The following SYNE1 variants were observed in gnomAD, a reference collection of about 807,000 sequenced individuals.
The protein encoded by SYNE1 is spectrin repeat containing nuclear envelope protein 1.
Under a neutral mutation model 1,111.0 loss-of-function variants are expected in SYNE1, and 616 were observed. The observed-to-expected ratio is 0.55, with a 90% confidence interval of 0.52 to 0.59. The LOEUF is 0.59. Among genes scored for constraint, SYNE1 ranks in the 20% least tolerant of loss-of-function variants. The pLI, the probability that SYNE1 is intolerant of heterozygous loss-of-function variation, is 0.00. For synonymous variants in SYNE1, 3,855 were observed against 3,825.8 expected, an observed-to-expected ratio of 1.01 and a Z score of -0.28; for missense variants, 10,006 against 10,417.0, an observed-to-expected ratio of 0.96 and a Z score of 1.72.
chr6:152,244,645 C>A lies in SYNE1; in HGVS notation c.19584G>T (p.Gln6528His), dbSNP rs2086636945. The A allele has an allele frequency of 6.2e-7, 1 of 1,613,808 alleles. No individual in the cohort carries two copies. Among genetic ancestry groups the A allele is most frequent in the South Asian group, 1.1e-5 (1 of 91,082 alleles). ...PVAEQIEAIQ[Q>H]AEDGLKEFDA... Reference sequence around the variant, plus strand: ...CAAATTCTTTGAGTCCATCTTCAGCCTGTTGTATTGCCTAAGTAAGATCCA... The same window carrying A: ...CAAATTCTTTGAGTCCATCTTCAGCATGTTGTATTGCCTAAGTAAGATCCA... The change falls in exon 106 of 146, where the codon CAG becomes CAT. Residue 6528 changes from glutamine to histidine, a missense_variant. Gln to His is a conservative substitution (Grantham distance 24). This residue lies in a region of SYNE1 where 2,182 missense variants were observed against 2,287.8 expected (regional missense o/e 0.95). Coordinates refer to ENST00000367255, the MANE Select transcript of SYNE1 (RefSeq NM_182961.4).
intron 10 of SYNE1, among the ~76,000 whole-genome samples, chr6:152,501,919 G>A (rs1534298): frequency 0.33 from 49,574 of 151,918 alleles, 8,559 homozygotes; most frequent in African/African-American, 0.44. Flanking sequence ...TTATAAAATT[G>A]TATGGATACC....
At chr6:152,248,970 T>C (rs963846036) in intron 105 of SYNE1, among the ~76,000 whole-genome samples, 191 bp downstream of exon 105, 1 of 152,188 alleles carries the variant, frequency 6.6e-6, no homozygotes, top group Non-Finnish European at 1.5e-5. Context: ...CATTTCCTAG[T>C]TCTGTGCAGA....
intron 6 of SYNE1, among the ~76,000 whole-genome samples, chr6:152,516,210 C>G (rs2099110970): frequency 6.6e-6 from 1 of 152,090 alleles, no homozygotes; most frequent in African/African-American, 2.4e-5. Context: ...GTGTGGCCGA[C>G]AAGAATGTTT....
At chr6:152,182,711 A>G (rs1246259615) in intron 128 of SYNE1, among the ~76,000 whole-genome samples, 1 of 152,180 alleles carries the variant, frequency 6.6e-6, no homozygotes, top group East Asian at 1.9e-4. Flanking sequence ...GTGATTCTAC[A>G]TCCTTGTACA....
At chr6:152,550,154 G>T (rs2099333375) in intron 3 of SYNE1, among the ~76,000 whole-genome samples, 1 of 152,074 alleles carries the variant, frequency 6.6e-6, no homozygotes, top group African/African-American at 2.4e-5. Flanking sequence ...GTAAATCTAA[G>T]ACTTTTGCTG....
At chr6:152,279,132 TTTTTC>T (rs1405103695) in intron 97 of SYNE1, among the ~76,000 whole-genome samples, 2 of 143,958 alleles carry the variant, frequency 1.4e-5, no homozygotes, top group African/African-American at 2.6e-5. Context: ...AGCCTCTCAA[TTTTTC>T]TTTTCTTTTC....
At chr6:152,444,362 T>C (rs763021368) in intron 30 of SYNE1, 49 bp downstream of exon 30, 1 of 1,596,790 alleles carries the variant, frequency 6.3e-7, no homozygotes, top group African/African-American at 1.3e-5. Context: ...GTTCTTTCAG[T>C]AGCAAATCAA....
At chr6:152,289,972 G>T (rs1421931360) in intron 95 of SYNE1, among the ~76,000 whole-genome samples, 3 of 149,018 alleles carry the variant, frequency 2.0e-5, no homozygotes, top group Admixed American at 1.3e-4. Context: ...GTATTCCTGG[G>T]CAGTCTCCCA....
At position 152,380,885 on chromosome 6, in the gene SYNE1, A is replaced by C; in HGVS notation, c.9009+121T>G. 4.3e-6 allele frequency: 4 copies of C among 925,936 alleles called. No individual in the cohort carries two copies. The South Asian group carries it at 5.4e-5, about 13-fold the overall frequency. The allele number at this position is 925,936 out of a possible 1,614,324, so 57.4% of individuals were successfully genotyped here. A position where few individuals can be genotyped will look rare whatever the true frequency, so the allele number is the denominator to read the frequency against. ...ACTTTGCTTATTTAATGAGATAAAT[A>C]CTTCTTCCAAGTGTGCATGTTGCGT... On this transcript the variant is annotated intron_variant, in intron 56 of 145. Coordinates refer to ENST00000367255, the MANE Select transcript of SYNE1 (RefSeq NM_182961.4).
At chr6:152,418,493 T>C (rs544791877) in intron 40 of SYNE1, among the ~76,000 whole-genome samples, 78 of 152,370 alleles carry the variant, frequency 5.1e-4, no homozygotes, top group Non-Finnish European at 9.0e-4. Flanking sequence ...TAAATGTTGC[T>C]ATATGCGTAC....
At chr6:152,465,492 T>C (rs752585901) in intron 17 of SYNE1, 32 bp from the exon 18 acceptor site, 1 of 1,588,628 alleles carries the variant, frequency 6.3e-7, no homozygotes, top group Non-Finnish European at 8.6e-7. Flanking sequence ...ATAACCCTTA[T>C]CTCATATTTT....
Position 152,390,489 on chromosome 6 carries a change from T to C in SYNE1, c.8005-37A>G, listed in dbSNP as rs375699547. ...GAAAGAATACTCATCAGTAGGCATGTAAAAACCTTCTTCTATTTTAAAAAA... is the reference window on the plus strand; with the variant it reads ...GAAAGAATACTCATCAGTAGGCATGCAAAAACCTTCTTCTATTTTAAAAAA... On this transcript the variant is annotated intron_variant, in intron 52 of 145. Transcript: ENST00000367255. 3.1e-6 allele frequency: 5 copies of C among 1,604,618 alleles called. No homozygotes were observed. The African/African-American group carries it at 5.4e-5, about 17-fold the overall frequency.
At chr6:152,425,261 T>C (rs1157965632) in intron 39 of SYNE1, 120 bp downstream of exon 39, 5 of 1,047,640 alleles carry the variant, frequency 4.8e-6, no homozygotes, top group Non-Finnish European at 5.6e-6. Flanking sequence ...TTCCCTTCTG[T>C]AGTTATCAGG....
At chr6:152,630,016 G>A (rs1335644950) in intron 2 of SYNE1, among the ~76,000 whole-genome samples, 1 of 151,794 alleles carries the variant, frequency 6.6e-6, no homozygotes, top group Non-Finnish European at 1.5e-5. Context: ...ATAATAGAGT[G>A]CAATTATGAA....
intron 37 of SYNE1, 29 bp from the exon 38 acceptor site, chr6:152,427,845 T>G (rs780734553): frequency 6.2e-7 from 1 of 1,613,664 alleles, no homozygotes; most frequent in Non-Finnish European, 8.5e-7. Flanking sequence ...AGAAACAAAT[T>G]TATTGAAAAT....
At chr6:152,197,582 T>C (rs1453253749) in intron 127 of SYNE1, among the ~76,000 whole-genome samples, 1 of 152,248 alleles carries the variant, frequency 6.6e-6, no homozygotes, top group Non-Finnish European at 1.5e-5. Flanking sequence ...ACATTAGTCT[T>C]GTACATCTCC....
chr6:152,416,300 C>A, intron 41 of SYNE1, 87 bp downstream of exon 41: 1 of 1,572,748 alleles, frequency 6.4e-7, no homozygotes, highest in Non-Finnish European at 8.7e-7. Context: ...TTTCCTTGAA[C>A]AGTACTAATA....
intron 127 of SYNE1, among the ~76,000 whole-genome samples, chr6:152,198,348 T>A (rs541754010): frequency 6.6e-6 from 1 of 152,346 alleles, no homozygotes; most frequent in East Asian, 1.9e-4. Context: ...CTTAAAGGAA[T>A]GTTGTGGCTG....
chr6:152,141,391 G>A, intron 138 of SYNE1, 62 bp from the exon 139 acceptor site: 1 of 1,605,298 alleles, frequency 6.2e-7, no homozygotes, highest in South Asian at 1.1e-5. Context: ...AAAGCTTCCG[G>A]GGAAAATCTC....
Sources: allele counts gnomAD v4.1 joint callset (sites outside exome capture counted in the v4.1 genomes callset), GRCh38; gene constraint gnomAD v4.1.1; regional missense constraint gnomAD v4.1.1; transcripts MANE v1.5; gene names NCBI Gene and HGNC (gene_info 2026-07-23, HGNC 2026-07-21).